CADPS: variants seen among roughly 807,000 people sequenced by gnomAD.
The protein encoded by CADPS is calcium dependent secretion activator, also known as calcium-dependent secretion activator 1.
A neutral mutation model predicts 167.3 loss-of-function variants in CADPS; 57 were observed. The ratio of observed to expected loss-of-function variants is 0.34; its 90% CI spans 0.28 to 0.42. CADPS has a LOEUF of 0.42. Among genes scored for constraint, CADPS ranks in the 20% least tolerant of loss-of-function variants. The probability of loss-of-function intolerance (pLI) is 1.00; values close to 1 mark genes in which losing one functional copy is unlikely to be tolerated. For synonymous variants in CADPS, 676 were observed against 635.3 expected, an observed-to-expected ratio of 1.06 and a Z score of -0.96; for missense variants, 1,414 against 1,738.1, an observed-to-expected ratio of 0.81 and a Z score of 3.32.
At chr3:62,441,862 G>A (rs980422026) in intron 27 of CADPS, among the ~76,000 whole-genome samples, 2 of 152,162 alleles carry the variant, frequency 1.3e-5, no homozygotes, top group African/African-American at 4.8e-5. Context: ...AAGCTCCCTA[G>A]TTTCCAATAT....
chr3:62,664,209 G>C (rs2073971563), intron 3 of CADPS, among the ~76,000 whole-genome samples: 2 of 152,176 alleles, frequency 1.3e-5, no homozygotes, highest in Non-Finnish European at 1.5e-5. Context: ...GTTTCACCAG[G>C]TTGGCCAGAC....
rs541488265 is a variant in CADPS, at chr3:62,445,810, G to C, written c.3637-13C>G. Reference sequence around the variant, plus strand: ...AAGCTGCCTTCACCTAAAGAGGAAAGAAGAGGATGGAAGTGAGGCTGGTGT... The same window carrying C: ...AAGCTGCCTTCACCTAAAGAGGAAACAAGAGGATGGAAGTGAGGCTGGTGT... On this transcript the variant is annotated splice_polypyrimidine_tract_variant and intron_variant, in intron 26 of 29. Coordinates refer to ENST00000383710, the MANE Select transcript of CADPS (RefSeq NM_003716.4). 3 of 1,489,062 alleles carry C rather than the reference G, an allele frequency of 2.0e-6. No individual in the cohort carries two copies. Among genetic ancestry groups the C allele is most frequent in the South Asian group, 2.9e-5 (2 of 68,664 alleles). 92.2% of individuals were successfully genotyped at this position (1,489,062 alleles called of 1,614,324 possible).
chr3:62,596,088 TACACACACACAC>T (rs56780830), intron 6 of CADPS, among the ~76,000 whole-genome samples: 7,961 of 135,854 alleles, frequency 0.059, 274 homozygotes, highest in Middle Eastern at 0.076. Flanking sequence ...TATATATGTA[TACACACACACAC>T]ACACACACAC....
At chr3:62,708,548 C>A (rs1168827821) in intron 3 of CADPS, among the ~76,000 whole-genome samples, 1 of 151,940 alleles carries the variant, frequency 6.6e-6, no homozygotes, top group Non-Finnish European at 1.5e-5. Context: ...CATCCTGTCC[C>A]CTGAGCCCTC....
chr3:62,735,149 T>C (rs972418630), intron 3 of CADPS, among the ~76,000 whole-genome samples: 4 of 152,164 alleles, frequency 2.6e-5, no homozygotes, highest in African/African-American at 7.2e-5. Context: ...TATATTCATA[T>C]TGAGATATCA....
In CADPS at chr3:62,871,827, G is replaced by T. The variant is rs557609043; in HGVS notation, c.441+2762C>A. Among the ~76,000 whole-genome samples the T allele has an allele frequency of 2.6e-5, 4 of 152,180 alleles. No homozygotes were observed. In the South Asian group the frequency reaches 8.3e-4, roughly 32 times the overall value. On this transcript the variant is annotated intron_variant, in intron 1 of 29. Coordinates refer to ENST00000383710, the MANE Select transcript of CADPS (RefSeq NM_003716.4). ...CATACTACTGTAAGATATTAAGAAG[G>T]GAAATTAGATATGGAGTATATAGGA...
chr3:62,746,723 T>G (rs1404768572), intron 3 of CADPS, among the ~76,000 whole-genome samples: 2 of 152,158 alleles, frequency 1.3e-5, no homozygotes, highest in African/African-American at 4.8e-5. Context: ...ATCTGGAGAT[T>G]CTACAGCTGC....
chr3:62,804,919 G>A lies in CADPS; in HGVS notation c.442-38935C>T, dbSNP rs559123579. Among the ~76,000 whole-genome samples the A allele has an allele frequency of 4.6e-5, 7 of 152,190 alleles. No individual in the cohort carries two copies. The East Asian group carries it at 9.7e-4, about 21-fold the overall frequency. On this transcript the variant is annotated intron_variant, in intron 1 of 29. Coordinates refer to ENST00000383710, the MANE Select transcript of CADPS (RefSeq NM_003716.4). ...CTCAAATTTACTGAGAGTGAACAAA[G>A]TATAAATAATCAAGGATTTTAAGAA...
rs902853832 is a variant in CADPS, at chr3:62,727,212, T to C, written c.888+26229A>G. ...TATTTCAGAACAACTTTATTCATAG[T>C]AGCTTCAAACTAGAAGCTTCAAACT... is the stretch of plus-strand genomic sequence containing the variant. On this transcript the variant is annotated intron_variant, in intron 3 of 29. Transcript: ENST00000383710. Among the ~76,000 whole-genome samples the C allele has an allele frequency of 1.8e-4, 27 of 151,970 alleles. 1 individual carries two copies. The highest frequency in any genetic ancestry group is 6.5e-4 in the African/African-American group (27 of 41,256).
chr3:62,605,039 G>C (rs569872043), intron 6 of CADPS, among the ~76,000 whole-genome samples: 1 of 152,282 alleles, frequency 6.6e-6, no homozygotes, highest in East Asian at 1.9e-4. Context: ...AAATAACTGG[G>C]AGACTCTGGC....
intron 17 of CADPS, among the ~76,000 whole-genome samples, chr3:62,509,050 C>T (rs898946649): frequency 2.0e-5 from 3 of 151,852 alleles, no homozygotes; most frequent in South Asian, 2.1e-4. Context: ...TGCCTGTAAT[C>T]TCAGCACTTT....
chr3:62,847,295 T>C (rs986049291), intron 1 of CADPS, among the ~76,000 whole-genome samples: 1 of 148,512 alleles, frequency 6.7e-6, no homozygotes, highest in African/African-American at 2.5e-5. Flanking sequence ...TTTTTTTTTA[T>C]ACTTTAAGTT....
chr3:62,803,913 G>A (rs1230584106), intron 1 of CADPS, among the ~76,000 whole-genome samples: 1 of 151,834 alleles, frequency 6.6e-6, no homozygotes, highest in Non-Finnish European at 1.5e-5. Context: ...CCCTCCGTGG[G>A]GCCTTTGCAC....
chr3:62,462,523 G>T (rs1051296817), intron 26 of CADPS, among the ~76,000 whole-genome samples: 1 of 152,228 alleles, frequency 6.6e-6, no homozygotes, highest in Admixed American at 6.5e-5. Flanking sequence ...CATATTTGTC[G>T]ATACTCGTCA....
chr3:62,616,989 C>T (rs1353758071), intron 6 of CADPS, among the ~76,000 whole-genome samples: 2 of 152,064 alleles, frequency 1.3e-5, no homozygotes, highest in African/African-American at 4.8e-5. Flanking sequence ...TTTTATTTTA[C>T]CCTGGCATTT....
intron 3 of CADPS, among the ~76,000 whole-genome samples, chr3:62,744,198 C>T (rs778762907): frequency 6.6e-6 from 1 of 152,064 alleles, no homozygotes. Flanking sequence ...CTGTCTGGCA[C>T]ATAGTAAGTA....
At chr3:62,757,857 G>T (rs992148887) in intron 2 of CADPS, among the ~76,000 whole-genome samples, 25 of 152,224 alleles carry the variant, frequency 1.6e-4, no homozygotes, top group Admixed American at 1.6e-3. Context: ...TGGCATGGCA[G>T]CAGGCAAGAG....
chr3:62,821,224 C>T (rs2094899637), intron 1 of CADPS, among the ~76,000 whole-genome samples: 1 of 152,114 alleles, frequency 6.6e-6, no homozygotes. Context: ...AATTTAGGGG[C>T]TTAAAACACC....
At chr3:62,785,771 T>G (rs2092355184) in intron 1 of CADPS, among the ~76,000 whole-genome samples, 1 of 152,176 alleles carries the variant, frequency 6.6e-6, no homozygotes, top group Admixed American at 6.5e-5. Context: ...AAATATTTGA[T>G]ATATGGATCT....
Sources: gnomAD v4.1 joint callset for allele counts (sites outside exome capture counted in the v4.1 genomes callset) on GRCh38, gnomAD v4.1.1 for gene constraint, MANE v1.5 for transcripts, NCBI Gene and HGNC (gene_info 2026-07-23, HGNC 2026-07-21) for gene names.